MYO3B: variants seen among roughly 807,000 people sequenced by gnomAD.
The protein encoded by MYO3B is myosin IIIB, also known as myosin-IIIb.
MYO3B carries 156 observed loss-of-function variants against 174.6 expected under a neutral mutation model. The ratio of observed to expected loss-of-function variants is 0.89; its 90% CI spans 0.78 to 1.02. The LOEUF is 1.02. MYO3B is among the 50% of genes least tolerant of loss of function. The probability of loss-of-function intolerance (pLI) is 0.00; values close to 1 mark genes in which losing one functional copy is unlikely to be tolerated. For missense variants in MYO3B, 1,632 were observed against 1,639.4 expected (o/e 1.00, Z 0.08); for synonymous variants, 563 against 569.1 (o/e 0.99, Z 0.15).
At chr2:170,602,244 C>A in intron 32 of MYO3B, 1 of 899,272 alleles carries the variant, frequency 1.1e-6, no homozygotes, top group Non-Finnish European at 1.8e-6. Flanking sequence ...GTTATTTTTC[C>A]TCAGCGAGGC....
chr2:170,365,734 C>G (rs1456856293), intron 8 of MYO3B, among the ~76,000 whole-genome samples: 1 of 152,154 alleles, frequency 6.6e-6, no homozygotes, highest in Non-Finnish European at 1.5e-5. Flanking sequence ...CTCTGCTTAG[C>G]CTTCTTCCTC....
Position 170,549,400 on chromosome 2 carries a change from C to CT in MYO3B, c.3733+5413dup, listed in dbSNP as rs1204995209. Among the ~76,000 whole-genome samples, 17 of 152,320 alleles carry CT rather than the reference C, an allele frequency of 1.1e-4. No individual in the cohort carries two copies. The East Asian group carries it at 3.1e-3, about 28-fold the overall frequency. On this transcript the variant is annotated intron_variant, in intron 32 of 34. Coordinates refer to ENST00000408978, the MANE Select transcript of MYO3B (RefSeq NM_138995.5). Reference sequence around the variant, plus strand: ...AGAGCCACCAGAGAGCATGTGGAACCTGGCATCAGGCATTAGTGATTGATT... The same window carrying CT: ...AGAGCCACCAGAGAGCATGTGGAACCTTGGCATCAGGCATTAGTGATTGATT...
intron 32 of MYO3B, among the ~76,000 whole-genome samples, chr2:170,593,341 G>A (rs141611619): frequency 0.03 from 4,556 of 152,240 alleles, 81 homozygotes; most frequent in Middle Eastern, 0.054. Context: ...GGGCTCACGC[G>A]ATCCTCCCAC....
intron 3 of MYO3B, among the ~76,000 whole-genome samples, chr2:170,212,510 G>A (rs957097126): frequency 1.3e-5 from 2 of 152,166 alleles, no homozygotes; most frequent in Non-Finnish European, 2.9e-5. Context: ...CCTACGCCTG[G>A]ATGCCAAAAA....
At chr2:170,400,665 C>G (rs372481103) in intron 17 of MYO3B, among the ~76,000 whole-genome samples, 40 of 148,760 alleles carry the variant, frequency 2.7e-4, no homozygotes, top group African/African-American at 8.3e-4. Flanking sequence ...CCCTCGGCCT[C>G]CCAAAGTGTT....
intron 25 of MYO3B, among the ~76,000 whole-genome samples, chr2:170,472,194 T>C (rs1685016305): frequency 6.6e-6 from 1 of 152,192 alleles, no homozygotes. Context: ...TTAAAATTCC[T>C]ATCTGAGCAT....
chr2:170,484,223 G>A (rs1261618325), intron 25 of MYO3B, among the ~76,000 whole-genome samples: 1 of 152,100 alleles, frequency 6.6e-6, no homozygotes, highest in Non-Finnish European at 1.5e-5. Context: ...CAGATAGATG[G>A]TATTTATTCT....
At chr2:170,313,946 T>C (rs1390452270) in intron 7 of MYO3B, among the ~76,000 whole-genome samples, 3 of 152,134 alleles carry the variant, frequency 2.0e-5, no homozygotes, top group Non-Finnish European at 4.4e-5. Flanking sequence ...GCATGGATAA[T>C]TACTGCCATT....
At chr2:170,322,909 A>T (rs932334951) in intron 7 of MYO3B, among the ~76,000 whole-genome samples, 2 of 152,136 alleles carry the variant, frequency 1.3e-5, no homozygotes, top group African/African-American at 4.8e-5. Context: ...ATTAGAGACA[A>T]TGTGGTAGGA....
Position 170,543,957 on chromosome 2 carries a change from A to G in MYO3B, c.3702A>G (p.Gly1234=), listed in dbSNP as rs372444832. 5 of 1,613,252 alleles carry G rather than the reference A, an allele frequency of 3.1e-6. No homozygotes were observed. The highest frequency in any genetic ancestry group is 2.5e-6 in the Non-Finnish European group (3 of 1,179,348). The change falls in exon 32 of 35, where the codon GGA becomes GGG. Residue 1234 remains glycine, a synonymous_variant. Transcript: ENST00000408978. ...GCCATCCTGCTCCAGATCAGCAAGG[A>G]TTGAGTCTCTGGGGAGCCCCTCAAA... ...RICHPAPDQQ[G]LSLWGAPQKP...
chr2:170,206,442 A>G lies in MYO3B; in HGVS notation c.321+6158A>G, dbSNP rs750568483. On this transcript the variant is annotated intron_variant, in intron 3 of 34. Coordinates refer to ENST00000408978, the MANE Select transcript of MYO3B (RefSeq NM_138995.5). This position sits in a 1 kb window ranked among gnomAD's most constrained non-coding sequence, Gnocchi z 4.3. The stretch of plus-strand genomic sequence containing the variant: ...CCTCTTTGAGGCTAGAGATTGTGTC[A>G]TATTCATGATTGAGTAATAGGTAAT... 6.6e-6 allele frequency among the ~76,000 whole-genome samples: 1 copy of G among 152,164 alleles called. No homozygotes were observed. Among genetic ancestry groups the G allele is most frequent in the African/African-American group, 2.4e-5 (1 of 41,452 alleles).
intron 34 of MYO3B, 139 bp from the exon 35 acceptor site, chr2:170,652,844 C>G: frequency 1.2e-6 from 1 of 842,186 alleles, no homozygotes; most frequent in Non-Finnish European, 1.9e-6. Flanking sequence ...AGACCCTGAG[C>G]TACCTAGGAG....
At chr2:170,593,646 T>A (rs1037224772) in intron 32 of MYO3B, among the ~76,000 whole-genome samples, 1 of 152,224 alleles carries the variant, frequency 6.6e-6, no homozygotes, top group Non-Finnish European at 1.5e-5. Context: ...TCCTAAGATG[T>A]TGTTATTATT....
chr2:170,369,165 A>AG, intron 8 of MYO3B, 57 bp from the exon 9 acceptor site: 15 of 1,527,702 alleles, frequency 9.8e-6, no homozygotes, highest in Non-Finnish European at 1.3e-5. Flanking sequence ...CCATATTCAT[A>AG]GGGGAACAGG....
At chr2:170,400,148 G>T in intron 16 of MYO3B, 40 bp from the exon 17 acceptor site, 3 of 1,613,212 alleles carry the variant, frequency 1.9e-6, no homozygotes, top group Non-Finnish European at 2.5e-6. Flanking sequence ...TAGTTTGACT[G>T]GCAATGACCT....
intron 29 of MYO3B, among the ~76,000 whole-genome samples, chr2:170,518,185 CA>C (rs1162892489): frequency 6.6e-6 from 1 of 152,138 alleles, no homozygotes; most frequent in Admixed American, 6.5e-5. Flanking sequence ...TTAAAATCAG[CA>C]CATGTTCTTC....
In MYO3B at chr2:170,181,662, T is replaced by G. The variant is rs536019460; in HGVS notation, c.2+3373T>G. On this transcript the variant is annotated intron_variant, in intron 1 of 34. Transcript: ENST00000408978. ...TTTTAAATTTTGAATAAATGTTGAA[T>G]TTTTTGTGAATGCTTTTTCTGCATC... Among the ~76,000 whole-genome samples the G allele has an allele frequency of 2.0e-5, 3 of 152,298 alleles. No individual in the cohort carries two copies. The East Asian group carries it at 5.8e-4, about 29-fold the overall frequency.
At chr2:170,271,336 A>C (rs113213780) in intron 7 of MYO3B, among the ~76,000 whole-genome samples, 511 of 152,342 alleles carry the variant, frequency 3.4e-3, no homozygotes, top group Non-Finnish European at 5.8e-3. Context: ...GGAATCTTAT[A>C]GGTAGCTCAT....
intron 23 of MYO3B, among the ~76,000 whole-genome samples, chr2:170,447,183 G>C (rs1559010046): frequency 6.6e-6 from 1 of 152,154 alleles, no homozygotes; most frequent in East Asian, 1.9e-4. Flanking sequence ...AAATGCCTAA[G>C]TCCCATGTTT....
Sources: allele counts gnomAD v4.1 joint callset (sites outside exome capture counted in the v4.1 genomes callset), GRCh38; gene constraint gnomAD v4.1.1; non-coding constraint Gnocchi (gnomAD v3.1); transcripts MANE v1.5; gene names NCBI Gene and HGNC (gene_info 2026-07-23, HGNC 2026-07-21).